The following BICC1 variants were observed in gnomAD, a reference collection of about 807,000 sequenced individuals.
BICC1 encodes protein bicaudal C homolog 1.
In BICC1, 43 loss-of-function variants were observed where a neutral mutation model predicts 111.0. The observed-to-expected ratio is 0.39, with a 90% CI of 0.30 to 0.50. The LOEUF is 0.50. BICC1 is among the 20% of genes least tolerant of loss of function. The pLI is 0.88. For missense variants in BICC1, 1,091 were observed against 1,203.2 expected, an observed-to-expected ratio of 0.91 and a Z score of 1.38; for synonymous variants, 467 against 434.4, an observed-to-expected ratio of 1.07 and a Z score of -0.93.
At chr10:58,635,726 C>A (rs1452462454) in intron 2 of BICC1, among the ~76,000 whole-genome samples, 1 of 152,114 alleles carries the variant, frequency 6.6e-6, no homozygotes, top group Non-Finnish European at 1.5e-5. Flanking sequence ...TTTCCCATTG[C>A]CCCTCAACTC....
chr10:58,798,984 T>C (rs1843448391), intron 11 of BICC1, 72 bp from the exon 12 acceptor site: 4 of 1,180,182 alleles, frequency 3.4e-6, no homozygotes, highest in Non-Finnish European at 4.7e-6. Context: ...AATGATATTT[T>C]TATTGTTAAT....
chr10:58,521,890 G>T (rs541138695), intron 1 of BICC1, among the ~76,000 whole-genome samples: 1 of 146,272 alleles, frequency 6.8e-6, no homozygotes, highest in South Asian at 2.2e-4. Flanking sequence ...ATTTTGGAAA[G>T]AATCTTTTGT....
chr10:58,790,051 TAAGG>T, intron 8 of BICC1, 118 bp downstream of exon 8: 1 of 1,160,042 alleles, frequency 8.6e-7, no homozygotes, highest in Non-Finnish European at 1.2e-6. Context: ...CCTCGTCAAA[TAAGG>T]AAGTTTCTTG....
At chr10:58,795,486 T>A (rs1213058191) in intron 9 of BICC1, among the ~76,000 whole-genome samples, 1 of 152,070 alleles carries the variant, frequency 6.6e-6, no homozygotes, top group Non-Finnish European at 1.5e-5. Flanking sequence ...CATATTAAGA[T>A]GGACAGTCAG....
intron 2 of BICC1, among the ~76,000 whole-genome samples, chr10:58,668,228 C>G (rs374741659): frequency 1.3e-5 from 2 of 152,072 alleles, no homozygotes; most frequent in Non-Finnish European, 2.9e-5. Context: ...GCATTATTGC[C>G]TTGGGCCAGG....
At position 58,563,956 on chromosome 10, in the gene BICC1, C is replaced by T. The variant is rs144313809; in HGVS notation, c.190+50623C>T. The stretch of plus-strand genomic sequence containing the variant: ...ATCCTATGCCACATTTTATTTTGTA[C>T]GGCTCTTTCTTTTGTCTTTCAAGTA... On this transcript the variant is annotated intron_variant, in intron 1 of 20. Coordinates refer to ENST00000373886, the MANE Select transcript of BICC1 (RefSeq NM_001080512.3). Among the ~76,000 whole-genome samples the T allele has an allele frequency of 7.8e-3, 1,179 of 152,114 alleles. 4 individuals carry two copies. Among genetic ancestry groups the T allele is most frequent in the Middle Eastern group, 0.014 (4 of 294 alleles).
chr10:58,648,192 C>G (rs1301713354), intron 2 of BICC1, among the ~76,000 whole-genome samples: 1 of 152,170 alleles, frequency 6.6e-6, no homozygotes, highest in Non-Finnish European at 1.5e-5. Context: ...ACTGTCTCCT[C>G]CGGTAGAGCA....
chr10:58,703,377 G>T (rs1840297081), intron 3 of BICC1, among the ~76,000 whole-genome samples: 1 of 151,924 alleles, frequency 6.6e-6, no homozygotes, highest in African/African-American at 2.4e-5. Context: ...GCTCAGGCTG[G>T]TCTTGAACTC....
rs145894950 is a variant in BICC1 at position 58,628,918 on chromosome 10, CAT to C, written c.237+8020_237+8021del. Reference sequence around the variant, plus strand: ...GGTAAAGGCCTCCATAGATGTCACTCATATGTTGTGCCTGTCACTCTAAGCTC... The same window carrying C: ...GGTAAAGGCCTCCATAGATGTCACTCATGTTGTGCCTGTCACTCTAAGCTC... On this transcript the variant is annotated intron_variant, in intron 2 of 20. Transcript: ENST00000373886. Among the ~76,000 whole-genome samples the C allele has an allele frequency of 2.9e-3, 436 of 152,286 alleles. 8 individuals are homozygous for C. The highest frequency in any genetic ancestry group is 9.8e-3 in the African/African-American group (408 of 41,552).
Position 58,520,133 on chromosome 10 carries a change from G to A in BICC1, c.190+6800G>A, listed in dbSNP as rs1473748924. 5.9e-5 allele frequency among the ~76,000 whole-genome samples: 9 copies of A among 152,158 alleles called. No homozygotes were observed. The South Asian group carries it at 1.4e-3, about 24-fold the overall frequency. On this transcript the variant is annotated intron_variant, in intron 1 of 20. Transcript: ENST00000373886. Reference sequence around the variant, plus strand: ...TTGTCGTCTGAAATTGTCCAAAATAGTGAGCTAATAAAATAGACCAGTTGA... The same window carrying A: ...TTGTCGTCTGAAATTGTCCAAAATAATGAGCTAATAAAATAGACCAGTTGA...
intron 1 of BICC1, among the ~76,000 whole-genome samples, chr10:58,614,149 G>C (rs1162453705): frequency 1.3e-5 from 2 of 152,126 alleles, no homozygotes; most frequent in African/African-American, 4.8e-5. Flanking sequence ...ATCCGTGTTT[G>C]GGGGAAGAGA....
intron 1 of BICC1, among the ~76,000 whole-genome samples, chr10:58,524,804 T>C (rs1195185291): frequency 6.6e-6 from 1 of 152,176 alleles, no homozygotes; most frequent in Non-Finnish European, 1.5e-5. Flanking sequence ...ATTTTTGCAA[T>C]CTACTCATCT....
At chr10:58,821,844 G>T (rs1844259878) in intron 20 of BICC1, among the ~76,000 whole-genome samples, 1 of 151,956 alleles carries the variant, frequency 6.6e-6, no homozygotes, top group Non-Finnish European at 1.5e-5. Context: ...ACCTCTCTTG[G>T]CTTTGGTTTG....
intron 18 of BICC1, among the ~76,000 whole-genome samples, chr10:58,814,866 C>T (rs996674494): frequency 3.3e-5 from 5 of 151,888 alleles, no homozygotes; most frequent in African/African-American, 1.2e-4. Context: ...GACTGTCCAG[C>T]GGGTGGCTAC....
At chr10:58,765,759 C>T (rs1028433833) in intron 3 of BICC1, among the ~76,000 whole-genome samples, 6 of 152,312 alleles carry the variant, frequency 3.9e-5, no homozygotes, top group Middle Eastern at 3.4e-3. Context: ...TTGTTCTGAA[C>T]AGATACCTCT....
intron 3 of BICC1, among the ~76,000 whole-genome samples, chr10:58,777,996 GT>G (rs754005587): frequency 1.3e-4 from 19 of 151,982 alleles, no homozygotes; most frequent in Non-Finnish European, 2.6e-4. Flanking sequence ...GAGTCAATGG[GT>G]TTCTTGAGTC....
chr10:58,613,650 G>C (rs935293842), intron 1 of BICC1, among the ~76,000 whole-genome samples: 1 of 152,152 alleles, frequency 6.6e-6, no homozygotes, highest in Admixed American at 6.5e-5. Flanking sequence ...TCCAGTGTTG[G>C]GTTCGGAGTG....
intron 3 of BICC1, chr10:58,715,666 G>C: frequency 6.2e-7 from 1 of 1,601,158 alleles, no homozygotes; most frequent in Non-Finnish European, 8.6e-7. Flanking sequence ...AATTGACCAA[G>C]GCCTACCTGG....
At chr10:58,559,154 A>G (rs1488809446) in intron 1 of BICC1, among the ~76,000 whole-genome samples, 1 of 152,006 alleles carries the variant, frequency 6.6e-6, no homozygotes, top group Non-Finnish European at 1.5e-5. Context: ...AAAATAATGT[A>G]TTTATATATA....
Sources: allele counts gnomAD v4.1 joint callset (sites outside exome capture counted in the v4.1 genomes callset), GRCh38; gene constraint gnomAD v4.1.1; transcripts MANE v1.5; gene names NCBI Gene and HGNC (gene_info 2026-07-23, HGNC 2026-07-21).